ARID1B: variants seen among roughly 807,000 people sequenced by gnomAD.
The protein encoded by ARID1B is AT-rich interactive domain-containing protein 1B.
A neutral mutation model predicts 212.3 loss-of-function variants in ARID1B; 30 were observed. The observed-to-expected ratio is 0.14, with a 90% CI of 0.11 to 0.19. ARID1B has a LOEUF of 0.19. Among genes scored for constraint, ARID1B ranks in the 10% least tolerant of loss-of-function variants. The pLI, the probability that ARID1B is intolerant of heterozygous loss-of-function variation, is 1.00. For missense variants in ARID1B, 2,891 were observed against 3,204.0 expected, an observed-to-expected ratio of 0.90 and a Z score of 2.36; for synonymous variants, 1,402 against 1,301.7, an observed-to-expected ratio of 1.08 and a Z score of -1.66.
chr6:156,875,555 T>C (rs1786481119), intron 2 of ARID1B, among the ~76,000 whole-genome samples: 1 of 152,266 alleles, frequency 6.6e-6, no homozygotes, highest in African/African-American at 2.4e-5. Flanking sequence ...GATTTTAGCA[T>C]GAGACTGATA....
At chr6:157,135,904 G>T (rs1788871766) in intron 7 of ARID1B, among the ~76,000 whole-genome samples, 1 of 152,112 alleles carries the variant, frequency 6.6e-6, no homozygotes, top group Non-Finnish European at 1.5e-5. Context: ...CACCCAAGAT[G>T]TCATCAGTCT....
chr6:156,917,324 A>G (rs1440086512), intron 3 of ARID1B, among the ~76,000 whole-genome samples: 1 of 152,230 alleles, frequency 6.6e-6, no homozygotes, highest in Non-Finnish European at 1.5e-5. Flanking sequence ...AGCAAAACAT[A>G]AACCATTTTA....
At chr6:157,009,145 G>GC (rs1384531738) in intron 4 of ARID1B, among the ~76,000 whole-genome samples, 2 of 152,188 alleles carry the variant, frequency 1.3e-5, no homozygotes, top group Non-Finnish European at 2.9e-5. Context: ...GCAGCCATCA[G>GC]CTACAGAGAC....
At chr6:157,023,641 T>C (rs897121570) in intron 4 of ARID1B, 3 of 152,222 alleles carry the variant, frequency 2.0e-5, no homozygotes, top group African/African-American at 7.2e-5. Flanking sequence ...CTATTTTATG[T>C]TATTTGGAAA....
At chr6:156,839,937 C>T (rs969056193) in intron 2 of ARID1B, among the ~76,000 whole-genome samples, 11 of 152,240 alleles carry the variant, frequency 7.2e-5, no homozygotes, top group Admixed American at 6.5e-4. Flanking sequence ...CGTGAATGCA[C>T]GCAGGCTGCA....
At chr6:157,197,392 A>G (rs1005243946) in intron 16 of ARID1B, among the ~76,000 whole-genome samples, 1 of 152,166 alleles carries the variant, frequency 6.6e-6, no homozygotes, top group Non-Finnish European at 1.5e-5. Flanking sequence ...GGTCACAGGG[A>G]TGGGTCAGTG....
chr6:157,197,257 G>A (rs1481655488), intron 16 of ARID1B, among the ~76,000 whole-genome samples: 1 of 152,220 alleles, frequency 6.6e-6, no homozygotes, highest in African/African-American at 2.4e-5. Flanking sequence ...TCCCTCCCCG[G>A]AGCCACAGTG....
intron 4 of ARID1B, among the ~76,000 whole-genome samples, chr6:157,081,859 A>C (rs1784648026): frequency 6.6e-6 from 1 of 152,196 alleles, no homozygotes. Context: ...TCAAAAATTA[A>C]ATCTGATTTG....
At chr6:157,126,921 C>T (rs1046107767) in intron 6 of ARID1B, among the ~76,000 whole-genome samples, 3 of 152,154 alleles carry the variant, frequency 2.0e-5, no homozygotes, top group Non-Finnish European at 4.4e-5. Context: ...TTGCTATTCG[C>T]AAACTCTGTT....
intron 4 of ARID1B, among the ~76,000 whole-genome samples, chr6:157,068,415 G>A (rs1783813237): frequency 6.6e-6 from 1 of 152,128 alleles, no homozygotes. Context: ...CACAATACAG[G>A]CTGTTGGGGA....
chr6:157,072,020 G>A (rs1784031870), intron 4 of ARID1B: 1 of 152,164 alleles, frequency 6.6e-6, no homozygotes, highest in Admixed American at 6.5e-5. Context: ...AAAATATTAG[G>A]TTGATCAAAT....
chr6:156,879,428 A>G (rs569806856), intron 2 of ARID1B, among the ~76,000 whole-genome samples: 154 of 151,256 alleles, frequency 1.0e-3, no homozygotes, highest in Non-Finnish European at 1.7e-3. Flanking sequence ...GCTGTGCCCC[A>G]CAGCTCTACA....
At chr6:157,173,923 C>A in intron 9 of ARID1B, 85 bp from the exon 10 acceptor site, 1 of 1,186,362 alleles carries the variant, frequency 8.4e-7, no homozygotes, top group Non-Finnish European at 1.2e-6. Flanking sequence ...GGGCCTCCTG[C>A]TTCACTCTGT....
At chr6:157,023,187 C>T (rs1780437858) in intron 4 of ARID1B, 1 of 152,192 alleles carries the variant, frequency 6.6e-6, no homozygotes, top group South Asian at 2.1e-4. Context: ...AGGATATACT[C>T]TTGTATTCCA....
chr6:157,161,431 G>GTGTGTGTGTATATATATATATATATA (rs540423195), intron 8 of ARID1B, among the ~76,000 whole-genome samples: 2 of 139,378 alleles, frequency 1.4e-5, no homozygotes, highest in Admixed American at 7.2e-5. Flanking sequence ...TTGTGTGTGT[G>GTGTGTGTGTATATATATATATATATA]TATATATATA....
At chr6:156,948,096 C>G (rs1002910112) in intron 4 of ARID1B, among the ~76,000 whole-genome samples, 2 of 152,126 alleles carry the variant, frequency 1.3e-5, no homozygotes, top group African/African-American at 4.8e-5. Flanking sequence ...CTAAAACAGT[C>G]TCTCCTTTTA....
At chr6:156,953,238 C>A (rs76851250) in intron 4 of ARID1B, among the ~76,000 whole-genome samples, 3 of 152,184 alleles carry the variant, frequency 2.0e-5, no homozygotes, top group African/African-American at 7.2e-5. Flanking sequence ...CTAGAATGGA[C>A]GGCTGCCCTC....
chr6:157,165,328 TGAGCCACCC>T (rs1157329036), intron 8 of ARID1B, among the ~76,000 whole-genome samples: 6 of 152,326 alleles, frequency 3.9e-5, no homozygotes, highest in Middle Eastern at 6.8e-3. Flanking sequence ...CATTTCTCCC[TGAGCCACCC>T]TCATACCTAA....
At chr6:156,893,580 A>G (rs1003271170) in intron 2 of ARID1B, among the ~76,000 whole-genome samples, 1 of 149,598 alleles carries the variant, frequency 6.7e-6, no homozygotes, top group African/African-American at 2.5e-5. Context: ...TCCTATCAAC[A>G]GCAAAACAAA....
Sources: gnomAD v4.1 joint callset for allele counts (sites outside exome capture counted in the v4.1 genomes callset) on GRCh38, gnomAD v4.1.1 for gene constraint, MANE v1.5 for transcripts, NCBI Gene and HGNC (gene_info 2026-07-23, HGNC 2026-07-21) for gene names.